Variants in LINC00237 observed in about 807,000 individuals in gnomAD.
The protein encoded by LINC00237 is long intergenic non-protein coding RNA 237.
intron 1 of LINC00237, among the ~76,000 whole-genome samples, chr20:21,103,065 G>A (rs114219461): frequency 0.011 from 1,741 of 152,300 alleles, 34 homozygotes; most frequent in African/African-American, 0.04. Context: ...GCAGAGTGTA[G>A]CGGCTGGTCT....
chr20:21,098,214 GT>G (rs1342972913), intron 1 of LINC00237, among the ~76,000 whole-genome samples: 6 of 152,126 alleles, frequency 3.9e-5, no homozygotes, highest in Non-Finnish European at 5.9e-5. Context: ...GAAAAGAAAT[GT>G]TTTCAAATCA....
chr20:21,089,365 T>G (rs546051877), intron 2 of LINC00237, among the ~76,000 whole-genome samples: 1 of 152,120 alleles, frequency 6.6e-6, no homozygotes, highest in East Asian at 1.9e-4. Context: ...AACCAGAGAC[T>G]GCCTGTGAGA....
At chr20:21,091,394 T>C (rs956252649) in intron 2 of LINC00237, among the ~76,000 whole-genome samples, 1 of 152,152 alleles carries the variant, frequency 6.6e-6, no homozygotes. Context: ...TATGGCTCCA[T>C]AAAAGAAAGA....
At chr20:21,102,966 G>T (rs905423628) in intron 1 of LINC00237, among the ~76,000 whole-genome samples, 1 of 152,224 alleles carries the variant, frequency 6.6e-6, no homozygotes, top group Non-Finnish European at 1.5e-5. Flanking sequence ...TCAGCAGCTG[G>T]ACCCGGAAGC....
intron 3 of LINC00237, among the ~76,000 whole-genome samples, chr20:21,086,813 G>T (rs2030714239): frequency 1.7e-5 from 2 of 120,258 alleles, no homozygotes; most frequent in Non-Finnish European, 3.3e-5. Flanking sequence ...TATATGTATA[G>T]TATACATATA....
chr20:21,103,613 A>G (rs2030961021), intron 1 of LINC00237, among the ~76,000 whole-genome samples: 1 of 152,160 alleles, frequency 6.6e-6, no homozygotes, highest in Admixed American at 6.5e-5. Flanking sequence ...CTGTGAGGAG[A>G]AGTGAATCCT....
intron 1 of LINC00237, among the ~76,000 whole-genome samples, chr20:21,095,859 G>C (rs1426550635): frequency 6.6e-6 from 1 of 152,190 alleles, no homozygotes; most frequent in Non-Finnish European, 1.5e-5. Flanking sequence ...CAGGCCAGAA[G>C]TGCTGAGGAA....
rs186581807 is a variant in LINC00237, at chr20:21,100,322, C to T, written n.88+5949G>A. The stretch of plus-strand genomic sequence containing the variant: ...GGCAAAATACAGCCACGAGCCGGGA[C>T]CAGTAATGTCAAATAAAACATTGGC... On this transcript the variant is annotated intron_variant and non_coding_transcript_variant, in intron 1 of 3. Coordinates refer to ENST00000691244, the Ensembl canonical transcript of LINC00237. 1.5e-3 allele frequency among the ~76,000 whole-genome samples: 230 copies of T among 152,308 alleles called. 1 individual carries two copies. The highest frequency in any genetic ancestry group is 3.4e-3 in the Middle Eastern group (1 of 294).
intron 2 of LINC00237, chr20:21,092,820 A>C (rs1019281431): frequency 3.9e-5 from 6 of 152,236 alleles, no homozygotes; most frequent in African/African-American, 1.2e-4. Flanking sequence ...TGTTTTAAAA[A>C]TCATTTATTA....
rs1335750503 is a variant in LINC00237, at chr20:21,101,709, A to G, written n.88+4562T>C. The G allele has an allele frequency of 2.6e-5, 4 of 152,472 alleles. No individual in the cohort carries two copies. Among genetic ancestry groups the G allele is most frequent in the African/African-American group, 9.6e-5 (4 of 41,486 alleles). 9.4% of individuals were successfully genotyped at this position (152,472 alleles called of 1,614,324 possible). A position where few individuals can be genotyped will look rare whatever the true frequency, so the allele number is the denominator to read the frequency against. On this transcript the variant is annotated intron_variant and non_coding_transcript_variant, in intron 1 of 3. Transcript: ENST00000691244. This position sits in a 1 kb window ranked among gnomAD's most constrained non-coding sequence, Gnocchi z 4.3. ...CCCGCTCCTTCGAATTTAACCGCCC[A>G]GTGCCTGCCTCCTGGAAAAGCTGTC...
At chr20:21,086,328 A>G (rs1028760585) in intron 3 of LINC00237, among the ~76,000 whole-genome samples, 2 of 151,966 alleles carry the variant, frequency 1.3e-5, no homozygotes, top group African/African-American at 4.8e-5. Context: ...TTACAAAGTC[A>G]TTTAGGTAAA....
exon 2 of LINC00237, chr20:21,093,633 T>C (rs1302878455): frequency 6.6e-6 from 1 of 152,244 alleles, no homozygotes; most frequent in East Asian, 1.9e-4. Context: ...GCTGGAATCT[T>C]CCCCTGTCTC....
chr20:21,094,802 C>A (rs764130768), intron 1 of LINC00237, among the ~76,000 whole-genome samples: 10 of 152,178 alleles, frequency 6.6e-5, no homozygotes, highest in Non-Finnish European at 1.0e-4. Flanking sequence ...GTATTCCCAG[C>A]ACTTTGGGAG....
intron 2 of LINC00237, among the ~76,000 whole-genome samples, chr20:21,090,949 C>T (rs1214983234): frequency 6.6e-6 from 1 of 152,084 alleles, no homozygotes; most frequent in Non-Finnish European, 1.5e-5. Flanking sequence ...TTGATCTTTG[C>T]CCGGGTCTTC....
Position 21,101,523 on chromosome 20 carries a change from T to A in LINC00237, n.88+4748A>T, listed in dbSNP as rs1568886935. The A allele has an allele frequency of 6.6e-6, 1 of 151,804 alleles. No homozygotes were observed. The highest frequency in any genetic ancestry group is 2.4e-5 in the African/African-American group (1 of 41,274). The allele number at this position is 151,804 out of a possible 1,614,324, so 9.4% of individuals were successfully genotyped here. On this transcript the variant is annotated intron_variant and non_coding_transcript_variant, in intron 1 of 3. Coordinates refer to ENST00000691244, the Ensembl canonical transcript of LINC00237. This position sits in a 1 kb window ranked among gnomAD's most constrained non-coding sequence, Gnocchi z 4.3. The stretch of plus-strand genomic sequence containing the variant: ...AGGCCCACCCACGCTGTCCCTGGAG[T>A]CCCCTCCAGTGTCCCCAGGGACGCA...
At position 21,089,819 on chromosome 20, in the gene LINC00237, C is replaced by T. The variant is rs1306914051; in HGVS notation, n.473-1789G>A. ...ATAGCTTATTTGAAAAGATTACAAGCGAAGGCGTCTAGATTTGGGCTTCTC... is the reference window on the plus strand; with the variant it reads ...ATAGCTTATTTGAAAAGATTACAAGTGAAGGCGTCTAGATTTGGGCTTCTC... On this transcript the variant is annotated intron_variant and non_coding_transcript_variant, in intron 2 of 3. Coordinates refer to ENST00000691244, the Ensembl canonical transcript of LINC00237. 6 of 152,144 alleles carry T rather than the reference C, an allele frequency of 3.9e-5. 1 individual carries two copies. The highest frequency in any genetic ancestry group is 3.8e-4 in the East Asian group (2 of 5,196). The allele number at this position is 152,144 out of a possible 1,614,324, so 9.4% of individuals were successfully genotyped here.
chr20:21,086,520 G>C (rs2030695988), intron 3 of LINC00237, among the ~76,000 whole-genome samples: 2 of 141,892 alleles, frequency 1.4e-5, no homozygotes, highest in South Asian at 4.5e-4. Flanking sequence ...TATCTATATA[G>C]ATACATATCT....
chr20:21,104,700 A>G (rs2030975433), intron 1 of LINC00237, among the ~76,000 whole-genome samples: 1 of 152,112 alleles, frequency 6.6e-6, no homozygotes, highest in Non-Finnish European at 1.5e-5. Flanking sequence ...TGCAGTCACA[A>G]CCTACATCCT....
At chr20:21,100,210 G>T (rs1372313717) in intron 1 of LINC00237, among the ~76,000 whole-genome samples, 1 of 152,132 alleles carries the variant, frequency 6.6e-6, no homozygotes, top group Non-Finnish European at 1.5e-5. Context: ...GCCCGTAGAG[G>T]ATAAAACCCC....
Sources: gnomAD v4.1 joint callset for allele counts (sites outside exome capture counted in the v4.1 genomes callset) on GRCh38, gnomAD v4.1.1 for gene constraint, Gnocchi (gnomAD v3.1) non-coding constraint, MANE v1.5 for transcripts, NCBI Gene and HGNC (gene_info 2026-07-23, HGNC 2026-07-21) for gene names.